The following CSMD1 variants were observed in gnomAD, a reference collection of about 807,000 sequenced individuals.
CSMD1 encodes the protein CUB and Sushi multiple domains 1.
Under a neutral mutation model 417.5 loss-of-function variants are expected in CSMD1, and 213 were observed. The observed-to-expected ratio is 0.51, with a 90% CI of 0.46 to 0.57. CSMD1 has a LOEUF of 0.57. Ranked by LOEUF, CSMD1 falls within the 20% of genes least tolerant of loss-of-function variation. The pLI is 0.00. For synonymous variants in CSMD1, 2,862 were observed against 1,736.8 expected, an observed-to-expected ratio of 1.65 and a Z score of -16.11; for missense variants, 6,923 against 4,529.7, an observed-to-expected ratio of 1.53 and a Z score of -15.17.
intron 1 of CSMD1, among the ~76,000 whole-genome samples, chr8:4,913,693 C>G (rs1429064876): frequency 6.6e-6 from 1 of 152,110 alleles, no homozygotes; most frequent in African/African-American, 2.4e-5. Context: ...CATGCTTTTC[C>G]TGACTACAAT....
At chr8:3,620,728 T>C (rs1402601733) in intron 7 of CSMD1, among the ~76,000 whole-genome samples, 3 of 152,132 alleles carry the variant, frequency 2.0e-5, no homozygotes, top group African/African-American at 7.2e-5. Context: ...ACATAGAGGA[T>C]AACAGTAATG....
At position 3,233,802 on chromosome 8, in the gene CSMD1, C is replaced by G. The variant is rs533997859; in HGVS notation, c.4154-3571G>C. On this transcript the variant is annotated intron_variant, in intron 26 of 69. Coordinates refer to ENST00000635120, the MANE Select transcript of CSMD1 (RefSeq NM_033225.6). ...TTTGCATTCTGCTTTGAAGGTACAC[C>G]CATCCAGAGGAGAGTCACATTAGAT... Among the ~76,000 whole-genome samples the G allele has an allele frequency of 4.6e-5, 7 of 152,178 alleles. No homozygotes were observed. The East Asian group carries it at 1.2e-3, about 25-fold the overall frequency.
chr8:3,855,154 T>C (rs1303568752), intron 5 of CSMD1, among the ~76,000 whole-genome samples: 1 of 152,218 alleles, frequency 6.6e-6, no homozygotes, highest in Non-Finnish European at 1.5e-5. Context: ...ATAATGTTTC[T>C]AATTAAGACA....
intron 3 of CSMD1, among the ~76,000 whole-genome samples, chr8:4,085,372 A>T (rs909812676): frequency 7.9e-5 from 12 of 152,206 alleles, no homozygotes; most frequent in African/African-American, 2.9e-4. Flanking sequence ...AAGGAAAAAG[A>T]AGCTATATTG....
In CSMD1 at chr8:4,081,282, C is replaced by A. The variant is rs531936263; in HGVS notation, c.416-49183G>T. 9.8e-5 allele frequency among the ~76,000 whole-genome samples: 15 copies of A among 152,290 alleles called. No individual in the cohort carries two copies. In the South Asian group the frequency reaches 1.9e-3, roughly 19 times the overall value. ...ATTTTGAAATACGCCCAGCGATTCT[C>A]GTCTCCTAGCAGGTAAGCTCTATGG... On this transcript the variant is annotated intron_variant, in intron 3 of 69. Transcript: ENST00000635120.
At chr8:4,703,637 A>G (rs1278590883) in intron 1 of CSMD1, among the ~76,000 whole-genome samples, 1 of 152,214 alleles carries the variant, frequency 6.6e-6, no homozygotes, top group Non-Finnish European at 1.5e-5. Context: ...GGGATTTCTA[A>G]ATATTTCAAG....
intron 37 of CSMD1, among the ~76,000 whole-genome samples, chr8:3,175,535 TCTTCCCTCCCTCCCTCTCTCCCTC>T (rs1820880163): frequency 6.9e-6 from 1 of 144,666 alleles, no homozygotes; most frequent in African/African-American, 2.6e-5. Context: ...CTTCCTTCCT[TCTTCCCTCCCTCCCTCTCTCCCTC>T]CCTGCCTTCC....
chr8:4,519,003 A>G (rs1803279980), intron 2 of CSMD1, among the ~76,000 whole-genome samples: 1 of 152,110 alleles, frequency 6.6e-6, no homozygotes, highest in Non-Finnish European at 1.5e-5. Context: ...GCTGCACTAC[A>G]GTATAATTTC....
intron 9 of CSMD1, among the ~76,000 whole-genome samples, chr8:3,582,510 C>A (rs1264834172): frequency 6.6e-6 from 1 of 152,128 alleles, no homozygotes; most frequent in Non-Finnish European, 1.5e-5. Flanking sequence ...CTCTTCACAA[C>A]TACAAGGGTG....
chr8:3,429,891 C>A (rs976502591), intron 12 of CSMD1, among the ~76,000 whole-genome samples: 2 of 152,158 alleles, frequency 1.3e-5, no homozygotes, highest in Non-Finnish European at 2.9e-5. Context: ...AAACTGTGCA[C>A]CAGATCACAC....
intron 10 of CSMD1, among the ~76,000 whole-genome samples, chr8:3,523,326 G>T (rs1797592802): frequency 6.6e-6 from 1 of 152,146 alleles, no homozygotes; most frequent in Non-Finnish European, 1.5e-5. Context: ...AAATTATTTT[G>T]TTCTATTGTG....
chr8:4,875,188 C>G (rs1243267946), intron 1 of CSMD1, among the ~76,000 whole-genome samples: 1 of 151,992 alleles, frequency 6.6e-6, no homozygotes, highest in Non-Finnish European at 1.5e-5. Context: ...GTCTCTTTCT[C>G]TGTACAGTAG....
chr8:4,415,299 C>G lies in CSMD1; in HGVS notation c.415+4654G>C, dbSNP rs188739684. ...TGTAAACCACATTGCTAAGCATTCT[C>G]AAAGACAGGCATCTGTTTTTCTCTA... On this transcript the variant is annotated intron_variant, in intron 3 of 69. Coordinates refer to ENST00000635120, the MANE Select transcript of CSMD1 (RefSeq NM_033225.6). Among the ~76,000 whole-genome samples the G allele has an allele frequency of 5.9e-5, 9 of 152,292 alleles. No individual in the cohort carries two copies. In the East Asian group the frequency reaches 1.7e-3, roughly 29 times the overall value.
At chr8:3,173,744 T>A (rs888919400) in intron 37 of CSMD1, among the ~76,000 whole-genome samples, 3 of 152,224 alleles carry the variant, frequency 2.0e-5, no homozygotes, top group Non-Finnish European at 4.4e-5. Context: ...ATTTATCATG[T>A]TTCCTGTGAT....
intron 52 of CSMD1, among the ~76,000 whole-genome samples, chr8:3,016,632 A>C (rs1445910537): frequency 1.3e-5 from 2 of 152,174 alleles, no homozygotes; most frequent in African/African-American, 4.8e-5. Context: ...TGTCATTTCT[A>C]ATCTTTTTCT....
chr8:4,554,424 G>C (rs1156528520), intron 2 of CSMD1, among the ~76,000 whole-genome samples: 2 of 152,102 alleles, frequency 1.3e-5, no homozygotes, highest in African/African-American at 2.4e-5. Flanking sequence ...GGCGTGAACA[G>C]GCCACCGCGC....
intron 2 of CSMD1, among the ~76,000 whole-genome samples, chr8:4,635,471 G>A (rs1341547170): frequency 6.6e-6 from 1 of 151,958 alleles, no homozygotes; most frequent in East Asian, 1.9e-4. Flanking sequence ...AATTAAGACA[G>A]GTTTTCTATA....
intron 1 of CSMD1, among the ~76,000 whole-genome samples, chr8:4,924,592 C>T (rs191042358): frequency 3.2e-4 from 48 of 151,762 alleles, no homozygotes; most frequent in South Asian, 1.7e-3. Context: ...TGTGGTGGCC[C>T]GTGCCTGTAA....
At chr8:4,613,781 G>A (rs949836430) in intron 2 of CSMD1, among the ~76,000 whole-genome samples, 2 of 149,074 alleles carry the variant, frequency 1.3e-5, no homozygotes, top group African/African-American at 2.5e-5. Flanking sequence ...CTAACATCAA[G>A]ACCACCCAGG....
Sources: gnomAD v4.1 joint callset for allele counts (sites outside exome capture counted in the v4.1 genomes callset) on GRCh38, gnomAD v4.1.1 for gene constraint, MANE v1.5 for transcripts, NCBI Gene and HGNC (gene_info 2026-07-23, HGNC 2026-07-21) for gene names.